NLGN1: variants seen among roughly 807,000 people sequenced by gnomAD.
NLGN1 encodes the protein neuroligin-1.
In NLGN1, 12 loss-of-function variants were observed where a neutral mutation model predicts 65.5. The ratio of observed to expected loss-of-function variants is 0.18; its 90% CI spans 0.12 to 0.30. The LOEUF is 0.30. Among genes scored for constraint, NLGN1 ranks in the 10% least tolerant of loss-of-function variants. The pLI is 1.00. For synonymous variants in NLGN1, 350 were observed against 359.5 expected (o/e 0.97, Z 0.30); for missense variants, 750 against 1,007.1 (o/e 0.74, Z 3.46).
chr3:173,636,507 G>A (rs532674642), intron 3 of NLGN1, among the ~76,000 whole-genome samples: 1 of 151,338 alleles, frequency 6.6e-6, no homozygotes, highest in African/African-American at 2.4e-5. Flanking sequence ...AATTTGTTTT[G>A]TTTTGTTAAT....
intron 3 of NLGN1, among the ~76,000 whole-genome samples, chr3:173,674,623 A>G (rs944477855): frequency 5.5e-5 from 8 of 144,342 alleles, no homozygotes; most frequent in African/African-American, 1.9e-4. Flanking sequence ...ATTCCTCTTT[A>G]TACCTGTATA....
intron 4 of NLGN1, among the ~76,000 whole-genome samples, chr3:173,984,641 C>T (rs1453410602): frequency 1.3e-5 from 2 of 152,138 alleles, no homozygotes; most frequent in African/African-American, 4.8e-5. Context: ...CTAATCACAG[C>T]ATTTGTTTTA....
At chr3:173,417,191 A>G (rs925468565) in intron 1 of NLGN1, among the ~76,000 whole-genome samples, 6 of 151,972 alleles carry the variant, frequency 3.9e-5, no homozygotes, top group African/African-American at 1.2e-4. Context: ...CGCAAATTAC[A>G]TTTGTAATTA....
intron 4 of NLGN1, among the ~76,000 whole-genome samples, chr3:174,224,815 C>T (rs528925377): frequency 2.0e-5 from 3 of 152,292 alleles, no homozygotes; most frequent in African/African-American, 7.2e-5. Flanking sequence ...GAGATGGTCA[C>T]TGAAATACTT....
At chr3:174,025,876 CAA>C (rs1368742505) in intron 4 of NLGN1, among the ~76,000 whole-genome samples, 1 of 152,002 alleles carries the variant, frequency 6.6e-6, no homozygotes, top group Admixed American at 6.6e-5. Flanking sequence ...TTATATTCAC[CAA>C]GAGACAGAAT....
intron 4 of NLGN1, among the ~76,000 whole-genome samples, chr3:174,065,830 C>G (rs966899680): frequency 6.6e-6 from 1 of 152,074 alleles, no homozygotes; most frequent in African/African-American, 2.4e-5. Context: ...TATGGAGAGG[C>G]CTATAAAGCA....
At chr3:174,288,405 A>G (rs1752364018), downstream of NLGN1, among the ~76,000 whole-genome samples, 1 of 151,488 alleles carries the variant, frequency 6.6e-6, no homozygotes, top group Non-Finnish European at 1.5e-5. Context: ...TGTGAAGCCT[A>G]TCATTGAACA....
chr3:174,109,030 A>G (rs1714612062), intron 4 of NLGN1, among the ~76,000 whole-genome samples: 1 of 152,098 alleles, frequency 6.6e-6, no homozygotes, highest in Non-Finnish European at 1.5e-5. Context: ...ACTGCCCTAT[A>G]AATTTTAAAG....
intron 4 of NLGN1, among the ~76,000 whole-genome samples, chr3:174,274,242 A>T (rs190338406): frequency 2.6e-5 from 4 of 151,840 alleles, no homozygotes; most frequent in Non-Finnish European, 4.4e-5. Flanking sequence ...ATTTTCATTT[A>T]TATTAAATGC....
chr3:174,264,196 C>T (rs1255217867), intron 4 of NLGN1, among the ~76,000 whole-genome samples: 6 of 149,940 alleles, frequency 4.0e-5, no homozygotes, highest in Non-Finnish European at 5.9e-5. Context: ...ATCTTTGTGG[C>T]GTTCTCTGTA....
intron 4 of NLGN1, among the ~76,000 whole-genome samples, chr3:173,932,432 G>C (rs773934647): frequency 6.6e-6 from 1 of 151,712 alleles, no homozygotes; most frequent in Non-Finnish European, 1.5e-5. Context: ...GCAATGAGTT[G>C]TGTGTAAGCA....
intron 4 of NLGN1, among the ~76,000 whole-genome samples, chr3:173,907,567 T>A (rs1167631974): frequency 6.6e-6 from 1 of 150,930 alleles, no homozygotes; most frequent in Non-Finnish European, 1.5e-5. Context: ...CTTAGATGGC[T>A]TTATCTCTCT....
At chr3:173,948,381 CAT>C (rs1747579874) in intron 4 of NLGN1, among the ~76,000 whole-genome samples, 1 of 152,162 alleles carries the variant, frequency 6.6e-6, no homozygotes, top group Non-Finnish European at 1.5e-5. Flanking sequence ...GATTATCCAA[CAT>C]GTGTTTTGTT....
chr3:174,129,399 A>ACT (rs1553940877), intron 4 of NLGN1, among the ~76,000 whole-genome samples: 1 of 140,356 alleles, frequency 7.1e-6, no homozygotes, highest in African/African-American at 2.8e-5. Context: ...ACACACACAC[A>ACT]CTCATTCATT....
intron 3 of NLGN1, among the ~76,000 whole-genome samples, chr3:173,723,396 T>A (rs1357008758): frequency 2.0e-5 from 3 of 152,208 alleles, no homozygotes; most frequent in African/African-American, 4.8e-5. Context: ...TCTAAAAAGT[T>A]TATTTAGTCT....
intron 4 of NLGN1, among the ~76,000 whole-genome samples, chr3:173,873,531 A>G (rs1010874587): frequency 2.0e-5 from 3 of 152,200 alleles, no homozygotes; most frequent in Non-Finnish European, 4.4e-5. Flanking sequence ...GTAATTGTAG[A>G]TTTTGGGGGT....
At chr3:174,105,171 C>T (rs572495511) in intron 4 of NLGN1, among the ~76,000 whole-genome samples, 4 of 152,006 alleles carry the variant, frequency 2.6e-5, no homozygotes, top group South Asian at 2.1e-4. Context: ...ACATAATTTA[C>T]GGGACTTAAG....
chr3:173,447,815 T>G (rs1410651233), intron 2 of NLGN1, among the ~76,000 whole-genome samples: 1 of 152,224 alleles, frequency 6.6e-6, no homozygotes, highest in Admixed American at 6.5e-5. Flanking sequence ...TTATTCTCTT[T>G]GAAGCAGTTG....
chr3:173,404,922 C>A (rs368226602), intron 1 of NLGN1, among the ~76,000 whole-genome samples: 1 of 152,002 alleles, frequency 6.6e-6, no homozygotes, highest in Non-Finnish European at 1.5e-5. Flanking sequence ...ATTCCACAAT[C>A]GTTCTCTACT....
Sources: allele counts gnomAD v4.1 joint callset (sites outside exome capture counted in the v4.1 genomes callset), GRCh38; gene constraint gnomAD v4.1.1; transcripts MANE v1.5; gene names NCBI Gene and HGNC (gene_info 2026-07-23, HGNC 2026-07-21).